Variants in PTGFRN observed in about 807,000 individuals in gnomAD.
PTGFRN encodes the protein prostaglandin F2 receptor negative regulator.
In PTGFRN, 35 loss-of-function variants were observed where a neutral mutation model predicts 83.2. The observed-to-expected ratio is 0.42, with a 90% CI of 0.32 to 0.56. The LOEUF is 0.56. Ranked by LOEUF, PTGFRN falls within the 20% of genes least tolerant of loss-of-function variation. PTGFRN has a pLI of 0.11. For missense variants in PTGFRN, 1,051 were observed against 1,179.5 expected, an observed-to-expected ratio of 0.89 and a Z score of 1.60; for synonymous variants, 519 against 498.6, an observed-to-expected ratio of 1.04 and a Z score of -0.55.
intron 1 of PTGFRN, among the ~76,000 whole-genome samples, chr1:116,931,871 A>G (rs965519516): frequency 6.6e-6 from 1 of 152,142 alleles, no homozygotes; most frequent in African/African-American, 2.4e-5. Flanking sequence ...AAAGCCTTGT[A>G]AGGACTCGGG....
chr1:116,945,174 A>G (rs1219758008), intron 3 of PTGFRN, 82 bp downstream of exon 3: 14 of 1,480,704 alleles, frequency 9.5e-6, no homozygotes, highest in South Asian at 5.4e-5. Flanking sequence ...AGGGAGCCCC[A>G]TGGCCTTCTG....
In PTGFRN at chr1:116,987,174, C is replaced by T; in HGVS notation, c.*207C>T. On this transcript the variant is annotated 3_prime_UTR_variant, in exon 9 of 9. Coordinates refer to ENST00000393203, the MANE Select transcript of PTGFRN (RefSeq NM_020440.4). ...ACGGCTCTTCTTCCCACGGCACTTT[C>T]TGATGTAACAATCGAGTGTGTGTTT... 1 of 547,076 alleles carries T rather than the reference C, an allele frequency of 1.8e-6. No individual in the cohort carries two copies. The highest frequency in any genetic ancestry group is 3.2e-5 in the East Asian group (1 of 31,560). The allele number at this position is 547,076 out of a possible 1,614,324, so 33.9% of individuals were successfully genotyped here. A position where few individuals can be genotyped will look rare whatever the true frequency, so the allele number is the denominator to read the frequency against.
intron 7 of PTGFRN, 85 bp from the exon 8 acceptor site, chr1:116,984,595 G>T: frequency 7.4e-7 from 1 of 1,343,818 alleles, no homozygotes; most frequent in Non-Finnish European, 1.0e-6. Flanking sequence ...GCCATACGTA[G>T]TAAGGGCCTC....
chr1:116,922,135 G>A (rs904490216), intron 1 of PTGFRN, among the ~76,000 whole-genome samples: 1 of 152,166 alleles, frequency 6.6e-6, no homozygotes, highest in Admixed American at 6.5e-5. Context: ...CGCCCACAGA[G>A]CAGCTAAGAG....
intron 5 of PTGFRN, among the ~76,000 whole-genome samples, chr1:116,965,209 A>G (rs1379793851): frequency 6.6e-6 from 1 of 152,212 alleles, no homozygotes; most frequent in African/African-American, 2.4e-5. Flanking sequence ...CCATCAGTCT[A>G]GAATGCTCTT....
Position 116,939,713 on chromosome 1 carries a change from A to G in PTGFRN, c.50-2002A>G, listed in dbSNP as rs184445988. Among the ~76,000 whole-genome samples, 7 of 152,296 alleles carry G rather than the reference A, an allele frequency of 4.6e-5. No individual in the cohort carries two copies. In the East Asian group the frequency reaches 1.3e-3, roughly 29 times the overall value. ...CTCAGAAAATGGGTTTTTCTTTTCT[A>G]TTACATTGTCAGGCAAATTTTCCAA... On this transcript the variant is annotated intron_variant, in intron 1 of 8. Transcript: ENST00000393203.
At chr1:116,959,943 A>G (rs1335825661) in intron 4 of PTGFRN, among the ~76,000 whole-genome samples, 7 of 152,214 alleles carry the variant, frequency 4.6e-5, no homozygotes, top group African/African-American at 7.2e-5. Context: ...ACTGCACTCC[A>G]CTTGGGGACA....
chr1:116,921,877 G>A (rs1649544614), intron 1 of PTGFRN, among the ~76,000 whole-genome samples: 1 of 152,176 alleles, frequency 6.6e-6, no homozygotes, highest in Admixed American at 6.5e-5. Flanking sequence ...TGGAGCAGGT[G>A]GGGCTGGAGA....
At chr1:116,943,585 T>C (rs1650111390) in intron 2 of PTGFRN, among the ~76,000 whole-genome samples, 1 of 152,206 alleles carries the variant, frequency 6.6e-6, no homozygotes, top group South Asian at 2.1e-4. Context: ...TGGTCCAGGA[T>C]CTGCCCGGCC....
At chr1:116,939,338 A>G (rs980871121) in intron 1 of PTGFRN, among the ~76,000 whole-genome samples, 7 of 152,218 alleles carry the variant, frequency 4.6e-5, no homozygotes, top group Admixed American at 3.3e-4. Flanking sequence ...TACATCTGAA[A>G]TAGAGGAGGA....
chr1:116,979,623 G>T (rs1257031101), intron 7 of PTGFRN, among the ~76,000 whole-genome samples: 3 of 152,114 alleles, frequency 2.0e-5, no homozygotes, highest in Non-Finnish European at 4.4e-5. Context: ...CATGGGGAAA[G>T]GATTCCCTAT....
chr1:116,920,981 C>A (rs1490245059), intron 1 of PTGFRN, among the ~76,000 whole-genome samples: 1 of 152,132 alleles, frequency 6.6e-6, no homozygotes, highest in African/African-American at 2.4e-5. Flanking sequence ...AAAAATGTGC[C>A]CCTAGTATTT....
chr1:116,985,818 C>G (rs116783046), intron 8 of PTGFRN, among the ~76,000 whole-genome samples: 2,771 of 152,192 alleles, frequency 0.018, 93 homozygotes, highest in African/African-American at 0.064. Context: ...CGATGAACAC[C>G]AGGGTCAACC....
intron 7 of PTGFRN, among the ~76,000 whole-genome samples, chr1:116,978,244 C>CA (rs1172452664): frequency 1.3e-5 from 2 of 151,916 alleles, no homozygotes; most frequent in Admixed American, 6.6e-5. Flanking sequence ...GCCTACCAAC[C>CA]AAAAAAAGTC....
At chr1:116,962,859 T>C (rs1415971309) in intron 5 of PTGFRN, among the ~76,000 whole-genome samples, 1 of 152,214 alleles carries the variant, frequency 6.6e-6, no homozygotes, top group Non-Finnish European at 1.5e-5. Flanking sequence ...TTCACGTCTC[T>C]CTCACTAGGG....
rs1649588907 is a variant in PTGFRN, at chr1:116,923,627, G to A, written c.49+13375G>A. On this transcript the variant is annotated intron_variant, in intron 1 of 8. Transcript: ENST00000393203. The surrounding 1 kb of genome is among the most constrained non-coding windows in gnomAD (Gnocchi z 4.0). The stretch of plus-strand genomic sequence containing the variant: ...GGCTCCCTTCTTGGGCTTCGTCCTG[G>A]TTGGTCATAGTCTAGAGAAGCAGAC... Among the ~76,000 whole-genome samples the A allele has an allele frequency of 6.6e-6, 1 of 152,096 alleles. No individual in the cohort carries two copies. Among genetic ancestry groups the A allele is most frequent in the South Asian group, 2.1e-4 (1 of 4,812 alleles).
chr1:116,914,673 G>C (rs1348436987), intron 1 of PTGFRN, among the ~76,000 whole-genome samples: 2 of 151,948 alleles, frequency 1.3e-5, no homozygotes, highest in African/African-American at 4.8e-5. Flanking sequence ...AGGATCACTT[G>C]AGTCTGGGAG....
chr1:116,938,501 C>T (rs1017186171), intron 1 of PTGFRN, among the ~76,000 whole-genome samples: 2 of 152,114 alleles, frequency 1.3e-5, no homozygotes, highest in Non-Finnish European at 2.9e-5. Flanking sequence ...TCAGATCTCA[C>T]GAGACTTACT....
intron 1 of PTGFRN, among the ~76,000 whole-genome samples, chr1:116,936,104 C>T (rs1649916327): frequency 6.6e-6 from 1 of 152,114 alleles, no homozygotes; most frequent in Non-Finnish European, 1.5e-5. Context: ...CTTTTTCCCT[C>T]AGTTATCAAC....
Sources: allele counts gnomAD v4.1 joint callset (sites outside exome capture counted in the v4.1 genomes callset), GRCh38; gene constraint gnomAD v4.1.1; non-coding constraint Gnocchi (gnomAD v3.1); transcripts MANE v1.5; gene names NCBI Gene and HGNC (gene_info 2026-07-23, HGNC 2026-07-21).